Variants in AEBP2 observed in about 807,000 individuals in gnomAD.
AEBP2 encodes the protein zinc finger protein AEBP2.
A neutral mutation model predicts 50.8 loss-of-function variants in AEBP2; 10 were observed. The ratio of observed to expected loss-of-function variants is 0.20; its 90% CI spans 0.12 to 0.33. AEBP2 has a LOEUF of 0.33. Ranked by LOEUF, AEBP2 falls within the 10% of genes least tolerant of loss-of-function variation. The pLI is 1.00. For synonymous variants in AEBP2, 296 were observed against 261.3 expected, an observed-to-expected ratio of 1.13 and a Z score of -1.28; for missense variants, 570 against 688.0, an observed-to-expected ratio of 0.83 and a Z score of 1.92.
chr12:19,509,243 C>A, intron 5 of AEBP2: 1 of 330,148 alleles, frequency 3.0e-6, no homozygotes, highest in South Asian at 5.4e-5. Flanking sequence ...AGCACAGAGT[C>A]AGCTAAATTG....
At chr12:19,424,065 G>T (rs1443603339) in intron 1 of AEBP2, among the ~76,000 whole-genome samples, 1 of 152,126 alleles carries the variant, frequency 6.6e-6, no homozygotes. Flanking sequence ...GTTATTTACC[G>T]GGAAGACCTT....
intron 2 of AEBP2, among the ~76,000 whole-genome samples, chr12:19,472,041 A>T (rs1013532148): frequency 6.6e-6 from 1 of 152,192 alleles, no homozygotes; most frequent in African/African-American, 2.4e-5. Flanking sequence ...TAACTTCTCT[A>T]AACAGTCTTG....
At chr12:19,423,592 T>A (rs1414172769) in intron 1 of AEBP2, among the ~76,000 whole-genome samples, 2 of 152,230 alleles carry the variant, frequency 1.3e-5, no homozygotes, top group East Asian at 1.9e-4. Flanking sequence ...ATGTTTAGCT[T>A]CCACTTATAT....
intron 1 of AEBP2, among the ~76,000 whole-genome samples, chr12:19,405,974 T>G (rs2153362659): frequency 6.6e-6 from 1 of 151,228 alleles, no homozygotes; most frequent in Non-Finnish European, 1.5e-5. Context: ...GCCAGTTTTT[T>G]TTTTTTTTTT....
chr12:19,446,202 C>T (rs2153367095), intron 1 of AEBP2: 1 of 152,246 alleles, frequency 6.6e-6, no homozygotes, highest in South Asian at 2.1e-4. Context: ...ACCCATTGCG[C>T]CCCATTTAGT....
At chr12:19,472,883 G>C (rs1948591990) in intron 2 of AEBP2, among the ~76,000 whole-genome samples, 1 of 151,876 alleles carries the variant, frequency 6.6e-6, no homozygotes, top group Admixed American at 6.6e-5. Flanking sequence ...AAAGGTAAAA[G>C]GTGTATTTTT....
intron 1 of AEBP2, chr12:19,457,217 C>G: frequency 6.3e-7 from 1 of 1,598,308 alleles, no homozygotes; most frequent in South Asian, 1.1e-5. Context: ...AGTGTGTAAG[C>G]CAAAAGGGCA....
At chr12:19,462,790 T>A in intron 2 of AEBP2, 73 bp downstream of exon 2, 4 of 1,352,932 alleles carry the variant, frequency 3.0e-6, no homozygotes, top group Middle Eastern at 1.9e-4. Flanking sequence ...CTAGTTAGGC[T>A]TTTTTGCTGA....
At chr12:19,460,681 G>T (rs1474970860) in intron 1 of AEBP2, among the ~76,000 whole-genome samples, 1 of 141,934 alleles carries the variant, frequency 7.0e-6, no homozygotes, top group African/African-American at 2.6e-5. Flanking sequence ...TTGAGACAGA[G>T]TCTAGCTCTG....
At chr12:19,422,417 G>C (rs1394305852) in intron 1 of AEBP2, among the ~76,000 whole-genome samples, 1 of 152,068 alleles carries the variant, frequency 6.6e-6, no homozygotes, top group Non-Finnish European at 1.5e-5. Context: ...TACTCCCCAG[G>C]TGGCTACTTA....
intron 2 of AEBP2, among the ~76,000 whole-genome samples, chr12:19,467,778 A>G (rs1948504285): frequency 6.6e-6 from 1 of 152,134 alleles, no homozygotes; most frequent in Admixed American, 6.5e-5. Context: ...CATAAAAACA[A>G]TTTCTGGAAA....
At chr12:19,467,583 C>T (rs944847583) in intron 2 of AEBP2, among the ~76,000 whole-genome samples, 7 of 152,202 alleles carry the variant, frequency 4.6e-5, no homozygotes, top group Admixed American at 2.0e-4. Context: ...CCTGAGCCAC[C>T]GTGCCCGGCC....
chr12:19,436,928 G>C (rs541134917), upstream of AEBP2, among the ~76,000 whole-genome samples: 1 of 152,146 alleles, frequency 6.6e-6, no homozygotes, highest in African/African-American at 2.4e-5. Flanking sequence ...AACTAAAGGA[G>C]ATTGGAAAGC....
rs1565702064 is a variant in AEBP2 at position 19,439,816 on chromosome 12, GGAGGAA to G, written c.123_128del (p.Glu47_Glu48del). On this transcript the variant is annotated inframe_deletion, in exon 1 of 8. Transcript: ENST00000266508. Reference sequence around the variant, plus strand: ...GCCGGGCTGAGCCCCCCGAGGAGGAGGAGGAAGAGGAGGAGGAGGAAGAGGAGGCGG... The same window carrying G: ...GCCGGGCTGAGCCCCCCGAGGAGGAGGAGGAGGAGGAGGAAGAGGAGGCGG... 2 of 1,508,114 alleles carry G rather than the reference GGAGGAA, an allele frequency of 1.3e-6. No homozygotes were observed. Among genetic ancestry groups the G allele is most frequent in the Non-Finnish European group, 1.8e-6 (2 of 1,135,518 alleles). The allele number at this position is 1,508,114 out of a possible 1,614,324, so 93.4% of individuals were successfully genotyped here.
chr12:19,405,579 C>G (rs1284685611), intron 1 of AEBP2, among the ~76,000 whole-genome samples: 1 of 152,130 alleles, frequency 6.6e-6, no homozygotes, highest in Non-Finnish European at 1.5e-5. Context: ...CCACCTCACC[C>G]TCCCAAAGTC....
chr12:19,468,093 G>A (rs912178740), intron 2 of AEBP2, among the ~76,000 whole-genome samples: 3 of 149,278 alleles, frequency 2.0e-5, no homozygotes, highest in African/African-American at 7.4e-5. Flanking sequence ...TGGTGGTACC[G>A]TGGAATCATC....
At chr12:19,418,389 C>CTT (rs372043971) in intron 1 of AEBP2, among the ~76,000 whole-genome samples, 2,302 of 94,828 alleles carry the variant, frequency 0.024, 78 homozygotes, top group African/African-American at 0.048. Context: ...CTATGCCTGG[C>CTT]TTTTTTTTTT....
chr12:19,493,050 T>C (rs774848787), intron 3 of AEBP2, among the ~76,000 whole-genome samples: 2 of 152,190 alleles, frequency 1.3e-5, no homozygotes, highest in Non-Finnish European at 2.9e-5. Flanking sequence ...GTTTTAATAG[T>C]GTGTAACACT....
At chr12:19,502,868 G>C (rs949547232) in intron 5 of AEBP2, among the ~76,000 whole-genome samples, 1 of 152,048 alleles carries the variant, frequency 6.6e-6, no homozygotes, top group Non-Finnish European at 1.5e-5. Context: ...GGCTGGTCTC[G>C]AACTCCCAAC....
Sources: gnomAD v4.1 joint callset for allele counts (sites outside exome capture counted in the v4.1 genomes callset) on GRCh38, gnomAD v4.1.1 for gene constraint, MANE v1.5 for transcripts, NCBI Gene and HGNC (gene_info 2026-07-23, HGNC 2026-07-21) for gene names.